Variants in TAF6L observed in about 807,000 individuals in gnomAD.
The protein encoded by TAF6L is TAF6-like RNA polymerase II p300/CBP-associated factor-associated factor 65 kDa subunit 6L.
TAF6L carries 34 observed loss-of-function variants against 57.3 expected under a neutral mutation model. The observed-to-expected ratio is 0.59, with a 90% CI of 0.45 to 0.79. The LOEUF (loss-of-function observed/expected upper bound fraction) is 0.79. Among genes scored for constraint, TAF6L ranks in the 30% least tolerant of loss-of-function variants. The pLI, the probability that TAF6L is intolerant of heterozygous loss-of-function variation, is 0.00. For missense variants in TAF6L, 782 were observed against 853.2 expected, an observed-to-expected ratio of 0.92 and a Z score of 1.04; for synonymous variants, 417 against 376.3, an observed-to-expected ratio of 1.11 and a Z score of -1.25.
rs1353965957 is a variant in TAF6L, at chr11:62,774,894, A to G, written c.-13-877A>G. On this transcript the variant is annotated intron_variant, in intron 1 of 10. Transcript: ENST00000294168. Reference sequence around the variant, plus strand: ...CAACAAGAACAAAACTCCGTCTCAAAAAAAAAAAAAAAAAAATTTAGCCAT... The same window carrying G: ...CAACAAGAACAAAACTCCGTCTCAAGAAAAAAAAAAAAAAAATTTAGCCAT... Among the ~76,000 whole-genome samples the G allele has an allele frequency of 2.0e-5, 3 of 148,712 alleles. No individual in the cohort carries two copies. The East Asian group carries it at 5.9e-4, about 29-fold the overall frequency.
intron 9 of TAF6L, among the ~76,000 whole-genome samples, chr11:62,785,816 T>G (rs1396887824): frequency 6.6e-6 from 1 of 152,214 alleles, no homozygotes; most frequent in Non-Finnish European, 1.5e-5. Context: ...ATTACAGGCG[T>G]GAGCCACAGC....
rs1357203247 is a variant in TAF6L, at chr11:62,787,000, C to T, written c.1573C>T (p.Pro525Ser). Reference protein sequence around the residue: ...GPAASESRPLPRVHRARGAPR... With the variant: ...GPAASESRPLSRVHRARGAPR... ...CGCCGCCTCTGAGAGCAGGCCCTTG[C>T]CGCGCGTGCATCGGGCGCGCGGGGC... Residue 525 changes from proline (P) to serine (S), a missense_variant, in exon 11 of 11, where the codon CCG (proline) becomes TCG (serine). Physicochemically the swap from Pro to Ser is moderately conservative, Grantham distance 74. Coordinates refer to ENST00000294168, the MANE Select transcript of TAF6L (RefSeq NM_006473.4). 1.1e-5 allele frequency: 17 copies of T among 1,481,884 alleles called. No individual in the cohort carries two copies. In the Admixed American group the frequency reaches 3.0e-4, roughly 26 times the overall value. The allele number at this position is 1,481,884 out of a possible 1,614,324, so 91.8% of individuals were successfully genotyped here. A position where few individuals can be genotyped will look rare whatever the true frequency, so the allele number is the denominator to read the frequency against.
chr11:62,774,591 C>T (rs934776437), intron 1 of TAF6L: 1 of 454,704 alleles, frequency 2.2e-6, no homozygotes, highest in African/African-American at 2.0e-5. Flanking sequence ...GCACGGGAGC[C>T]TACCTTCTGG....
intron 1 of TAF6L, among the ~76,000 whole-genome samples, chr11:62,773,043 G>A (rs1050992164): frequency 2.0e-5 from 3 of 151,292 alleles, no homozygotes; most frequent in Non-Finnish European, 4.4e-5. Flanking sequence ...GGGTTTCACC[G>A]TGTTAGCCAG....
Position 62,775,945 on chromosome 11 carries a change from C to A in TAF6L, c.147+15C>A, listed in dbSNP as rs777509404. The stretch of plus-strand genomic sequence containing the variant: ...AGGCCACGCAGGTACACTCCCCTCA[C>A]CCCCTGATACCTCCAACTTTCCTTG... On this transcript the variant is annotated intron_variant, in intron 2 of 10. Transcript: ENST00000294168. The A allele has an allele frequency of 3.2e-6, 5 of 1,582,336 alleles. No individual in the cohort carries two copies. The highest frequency in any genetic ancestry group is 4.3e-6 in the Non-Finnish European group (5 of 1,163,866).
intron 1 of TAF6L, chr11:62,772,110 C>T (rs534447402): frequency 8.8e-6 from 4 of 456,170 alleles, no homozygotes; most frequent in South Asian, 3.1e-5. Flanking sequence ...GAACATTTAG[C>T]CTCTGAGGTT....
intron 5 of TAF6L, 135 bp from the exon 6 acceptor site, chr11:62,778,734 T>G: frequency 1.3e-6 from 1 of 768,358 alleles, no homozygotes; most frequent in South Asian, 1.5e-5. Flanking sequence ...AAGAGCAGTC[T>G]CTTGCCCTGG....
chr11:62,778,162 G>A (rs1248149514), intron 4 of TAF6L, 34 bp downstream of exon 4: 1 of 1,614,006 alleles, frequency 6.2e-7, no homozygotes, highest in South Asian at 1.1e-5. Context: ...GTTGGGGATG[G>A]GAGTTGGGCC....
chr11:62,786,573 T>G lies in TAF6L; in HGVS notation c.1146T>G (p.Gly382=). The change falls in exon 11 of 11, where the codon GGT becomes GGG. Residue 382 remains glycine, a synonymous_variant. Coordinates refer to ENST00000294168, the MANE Select transcript of TAF6L (RefSeq NM_006473.4). ...MKAQAAEPNR[G]GPGGRGCRRL... ...CCCAGGCAGCAGAGCCCAACAGGGG[T>G]GGCCCAGGTGGCAGGGGGTGCCGGC... The G allele has an allele frequency of 6.4e-7, 1 of 1,569,082 alleles. No homozygotes were observed. The highest frequency in any genetic ancestry group is 1.2e-5 in the South Asian group (1 of 83,024).
intron 9 of TAF6L, among the ~76,000 whole-genome samples, chr11:62,784,032 G>C: frequency 1.3e-3 from 1 of 750 alleles, no homozygotes; most frequent in African/African-American, 4.0e-3. Context: ...ACTGTCGCCC[G>C]GGCTGGAGTG....
chr11:62,772,633 C>T (rs2084156973), intron 1 of TAF6L, among the ~76,000 whole-genome samples: 1 of 151,318 alleles, frequency 6.6e-6, no homozygotes, highest in Admixed American at 6.6e-5. Flanking sequence ...AGTTCCAGAC[C>T]AGCTTGGCTA....
chr11:62,786,237 T>G (rs2084273809), intron 9 of TAF6L, 23 bp from the exon 10 acceptor site: 1 of 1,602,442 alleles, frequency 6.2e-7, no homozygotes, highest in African/African-American at 1.3e-5. Flanking sequence ...ACATGCTAAC[T>G]GTATTCCTTC....
intron 5 of TAF6L, 160 bp from the exon 6 acceptor site, chr11:62,778,709 G>A (rs958391443): frequency 1.0e-5 from 7 of 672,436 alleles, no homozygotes; most frequent in Non-Finnish European, 1.6e-5. Context: ...AGATGGTCAG[G>A]GCTGAGCAGG....
chr11:62,781,920 C>T lies in TAF6L; in HGVS notation c.558C>T (p.Asn186=). ...MKVALQDLQT[N]SKIGALLPYF... is the part of the protein sequence containing the mutation. Reference sequence around the variant, plus strand: ...TTGCACTCCAGGACTTGCAGACGAACTCCAAGATTGGGGCACTCCTGCCTT... The same window carrying T: ...TTGCACTCCAGGACTTGCAGACGAATTCCAAGATTGGGGCACTCCTGCCTT... Residue 186 remains asparagine, a synonymous_variant, in exon 7 of 11, where the codon AAC becomes AAT. Coordinates refer to ENST00000294168, the MANE Select transcript of TAF6L (RefSeq NM_006473.4). The T allele has an allele frequency of 1.9e-6, 3 of 1,614,186 alleles. No homozygotes were observed. Among genetic ancestry groups the T allele is most frequent in the Non-Finnish European group, 2.5e-6 (3 of 1,180,036 alleles).
chr11:62,774,738 G>A, intron 1 of TAF6L: 2 of 445,324 alleles, frequency 4.5e-6, no homozygotes, highest in Non-Finnish European at 9.1e-6. Flanking sequence ...TAGGCAGAAA[G>A]CCCAGCTACT....
intron 6 of TAF6L, 133 bp downstream of exon 6, chr11:62,779,096 C>G: frequency 1.4e-6 from 1 of 690,466 alleles, no homozygotes; most frequent in Non-Finnish European, 2.4e-6. Context: ...TCTCAGCTCA[C>G]CGCACCCTCT....
chr11:62,782,625 G>C, intron 8 of TAF6L, 68 bp from the exon 9 acceptor site: 2 of 1,584,664 alleles, frequency 1.3e-6, no homozygotes, highest in Non-Finnish European at 1.7e-6. Flanking sequence ...TTCTCTTTGT[G>C]TTGTCTTGTG....
chr11:62,786,919 G>A lies in TAF6L; in HGVS notation c.1492G>A (p.Gly498Ser). 4 of 1,494,268 alleles carry A rather than the reference G, an allele frequency of 2.7e-6. No individual in the cohort carries two copies. Among genetic ancestry groups the A allele is most frequent in the South Asian group, 2.5e-5 (2 of 79,664 alleles). The allele number at this position is 1,494,268 out of a possible 1,614,324, so 92.6% of individuals were successfully genotyped here. A position where few individuals can be genotyped will look rare whatever the true frequency, so the allele number is the denominator to read the frequency against. Residue 498 changes from glycine to serine, a missense_variant, in exon 11 of 11, where the codon GGC becomes AGC. By Grantham distance (56) the Gly-to-Ser change is moderately conservative. Around this residue, in one of 3 missense-constraint regions of TAF6L, gnomAD observed 483 missense variants for 445.1 expected, o/e 1.09. Transcript: ENST00000294168. ...LTASAIVSPH[G>S]DESPRGSGGG... is the part of the protein sequence containing the mutation. The stretch of plus-strand genomic sequence containing the variant: ...GGCAAGCGCCATAGTCAGCCCGCAC[G>A]GCGACGAGAGCCCCCGGGGCAGCGG...
chr11:62,777,569 C>A (rs946317420), intron 3 of TAF6L, among the ~76,000 whole-genome samples: 7 of 152,130 alleles, frequency 4.6e-5, no homozygotes, highest in Non-Finnish European at 1.0e-4. Context: ...GAAAAGAAGG[C>A]ATTCAGGCTA....
Sources: allele counts gnomAD v4.1 joint callset (sites outside exome capture counted in the v4.1 genomes callset), GRCh38; gene constraint gnomAD v4.1.1; regional missense constraint gnomAD v4.1.1; transcripts MANE v1.5; gene names NCBI Gene and HGNC (gene_info 2026-07-23, HGNC 2026-07-21).